The following OBSL1 variants were observed in gnomAD, a reference collection of about 807,000 sequenced individuals.
The protein encoded by OBSL1 is obscurin like cytoskeletal adaptor 1, also known as obscurin-like protein 1.
Under a neutral mutation model 172.0 loss-of-function variants are expected in OBSL1, and 160 were observed. That is an observed-to-expected ratio of 0.93 (90% CI 0.82 to 1.06). OBSL1 has a LOEUF of 1.06. Among genes scored for constraint, OBSL1 ranks in the 50% least tolerant of loss-of-function variants. The pLI is 0.00. For synonymous variants in OBSL1, 1,200 were observed against 1,196.3 expected, an observed-to-expected ratio of 1.00 and a Z score of -0.06; for missense variants, 2,681 against 2,715.4, an observed-to-expected ratio of 0.99 and a Z score of 0.28.
In OBSL1 at chr2:219,551,624, T is replaced by C. The variant is rs958148655; in HGVS notation, c.5588A>G (p.His1863Arg). The C allele has an allele frequency of 4.3e-6, 7 of 1,611,648 alleles. No individual in the cohort carries two copies. The highest frequency in any genetic ancestry group is 5.9e-6 in the Non-Finnish European group (7 of 1,179,086). The stretch of plus-strand genomic sequence containing the variant: ...TCGAACGTCATGGATGACCAGGCTG[T>C]GGGTGGGGCCGTGGCTGCGCATCTC... ...KYEMRSHGPT[H>R]SLVIHDVRPE... Residue 1863 changes from histidine (H) to arginine (R), a missense_variant, in exon 20 of 21, where the codon CAC (histidine) becomes CGC (arginine). His to Arg is a conservative substitution (Grantham distance 29). Around this residue, in one of 5 missense-constraint regions of OBSL1, gnomAD observed 1,765 missense variants for 1,748.3 expected, o/e 1.01. Coordinates refer to ENST00000404537, the MANE Select transcript of OBSL1 (RefSeq NM_015311.3).
At chr2:219,560,530 G>A (rs1696380438) in intron 8 of OBSL1, among the ~76,000 whole-genome samples, 1 of 152,144 alleles carries the variant, frequency 6.6e-6, no homozygotes, top group African/African-American at 2.4e-5. Context: ...CAAGTTTTGG[G>A]GCGACTACTG....
Position 219,570,550 on chromosome 2 carries a change from T to G in OBSL1, c.683A>C (p.Gln228Pro). ...GTCCGCGGGCGGGCTCTCGGGGGGCTGGTGCACCTGGAGCAGCGCCCCCGC... is the reference window on the plus strand; with the variant it reads ...GTCCGCGGGCGGGCTCTCGGGGGGCGGGTGCACCTGGAGCAGCGCCCCCGC... The part of the protein sequence containing the change: ...AQAGALLQVH[Q>P]PPESPPADPD... The change falls in exon 1 of 21, where the codon CAG becomes CCG. Residue 228 changes from glutamine (Q) to proline (P), a missense_variant. Around this residue, in one of 5 missense-constraint regions of OBSL1, gnomAD observed 706 missense variants for 695.8 expected, o/e 1.01. Coordinates refer to ENST00000404537, the MANE Select transcript of OBSL1 (RefSeq NM_015311.3). The G allele has an allele frequency of 6.3e-7, 1 of 1,593,702 alleles. No individual in the cohort carries two copies. Among genetic ancestry groups the G allele is most frequent in the Non-Finnish European group, 8.5e-7 (1 of 1,171,498 alleles).
At chr2:219,570,104 C>T in intron 1 of OBSL1, 117 bp downstream of exon 1, 1 of 926,404 alleles carries the variant, frequency 1.1e-6, no homozygotes, top group South Asian at 2.4e-5. Context: ...TTTAATATTC[C>T]CGCGGACCAC....
chr2:219,567,605 C>A (rs757170911), intron 3 of OBSL1, 30 bp from the exon 4 acceptor site: 1 of 1,598,068 alleles, frequency 6.3e-7, no homozygotes, highest in Non-Finnish European at 8.6e-7. Flanking sequence ...GTGTTCCGGC[C>A]TTGCTTGGGC....
chr2:219,555,931 C>A (rs1695962794), intron 14 of OBSL1, 89 bp downstream of exon 14: 2 of 1,532,488 alleles, frequency 1.3e-6, no homozygotes, highest in South Asian at 2.6e-5. Context: ...ATGAGGGGCA[C>A]TTTGGTGGGG....
chr2:219,552,824 C>T (rs373982957), intron 17 of OBSL1, 44 bp downstream of exon 17: 2 of 1,536,568 alleles, frequency 1.3e-6, no homozygotes, highest in East Asian at 2.5e-5. Flanking sequence ...CCGCAAGTCT[C>T]GCGCCCAAAG....
Position 219,553,010 on chromosome 2 carries a change from A to G in OBSL1, c.5004T>C (p.Leu1668=), listed in dbSNP as rs2106011243. Residue 1668 remains leucine, a synonymous_variant, in exon 17 of 21, where the codon CTT becomes CTC. Transcript: ENST00000404537. ...GGAGCCGGAGCCGCGGGCTAGGCGT[A>G]AGCGCGTTCCCGTCCTAGGGGCGGG... ...DVTWEKDGNA[L]TPSPRLRLQA... 1.3e-6 allele frequency: 2 copies of G among 1,517,100 alleles called. No homozygotes were observed. The highest frequency in any genetic ancestry group is 1.8e-6 in the Non-Finnish European group (2 of 1,138,426). 94.0% of individuals were successfully genotyped at this position (1,517,100 alleles called of 1,614,324 possible).
At position 219,565,393 on chromosome 2, in the gene OBSL1, A is replaced by G. The variant is rs778635089; in HGVS notation, c.2256T>C (p.Asp752=). The change falls in exon 6 of 21, where the codon GAT becomes GAC. Residue 752 remains aspartate, a synonymous_variant. Transcript: ENST00000404537. ...ACTCGCTCTCCTCCACCTTCTGCCC[A>G]TCCTTGTACCAGGTTGCCGGGAAGT... ...RVDFPATWYK[D]GQKVEESELL... 1.1e-5 allele frequency: 18 copies of G among 1,613,894 alleles called. No individual in the cohort carries two copies. The highest frequency in any genetic ancestry group is 8.0e-5 in the African/African-American group (6 of 74,938).
intron 12 of OBSL1, 41 bp from the exon 13 acceptor site, chr2:219,556,764 T>C: frequency 6.5e-7 from 1 of 1,532,826 alleles, no homozygotes; most frequent in Non-Finnish European, 8.8e-7. Context: ...CTGAGTCTTT[T>C]CTTCTCTCTC....
At chr2:219,555,727 A>AAT in intron 14 of OBSL1, 1 of 1,293,368 alleles carries the variant, frequency 7.7e-7, no homozygotes, top group Admixed American at 3.6e-5. Flanking sequence ...GTATCCCTAG[A>AAT]ATACATGCCT....
downstream of OBSL1, among the ~76,000 whole-genome samples, chr2:219,548,775 A>G (rs536046781): frequency 2.0e-5 from 3 of 152,284 alleles, no homozygotes; most frequent in East Asian, 5.8e-4. Flanking sequence ...AGCTTTTGGG[A>G]TGCTCATTCT....
Position 219,553,672 on chromosome 2 carries a change from T to C in OBSL1, c.4891A>G (p.Ile1631Val), listed in dbSNP as rs776475820. ...TCTAGGTCGTGTGGCCCCCGCACGA[T>C]GGTCACTGGGACCTCTGGGGGTGGG... ...RLIVREVPVT[I>V]VRGPHDLEVT... is the part of the protein sequence containing the mutation. Residue 1631 changes from isoleucine to valine, a missense_variant, in exon 16 of 21, where the codon ATC becomes GTC. This residue lies in a region of OBSL1 where 1,765 missense variants were observed against 1,748.3 expected (regional missense o/e 1.01). Transcript: ENST00000404537. 6.2e-7 allele frequency: 1 copy of C among 1,613,082 alleles called. No individual in the cohort carries two copies. Among genetic ancestry groups the C allele is most frequent in the Non-Finnish European group, 8.5e-7 (1 of 1,179,358 alleles).
At chr2:219,555,669 G>T in intron 14 of OBSL1, 1 of 1,095,914 alleles carries the variant, frequency 9.1e-7, no homozygotes, top group Non-Finnish European at 1.1e-6. Context: ...TGGGTGGGAG[G>T]TGTGGGGTGC....
chr2:219,549,371 C>T, downstream of OBSL1: 1 of 1,601,788 alleles, frequency 6.2e-7, no homozygotes, highest in Non-Finnish European at 8.5e-7. Context: ...TCCCTGAGCC[C>T]ATCCAGCCAG....
At chr2:219,564,000 G>A (rs1312914476) in intron 6 of OBSL1, among the ~76,000 whole-genome samples, 3 of 152,218 alleles carry the variant, frequency 2.0e-5, no homozygotes, top group Admixed American at 2.0e-4. Flanking sequence ...AAAGACCCCA[G>A]GGTGGGCAGG....
chr2:219,552,933 T>A lies in OBSL1; in HGVS notation c.5081A>T (p.Asp1694Val). The change falls in exon 17 of 21, where the codon GAC (aspartate) becomes GTC (valine). Residue 1694 changes from aspartate to valine, a missense_variant. This residue lies in a region of OBSL1 where 1,765 missense variants were observed against 1,748.3 expected (regional missense o/e 1.01). Transcript: ENST00000404537. ...CACCGCGCAGCTGTAGGTCCCGGCG[T>A]CCGAGGGGCCGCAGCGTCGCAGCTG... is the stretch of plus-strand genomic sequence containing the variant. ...LLQLRRCGPS[D>V]AGTYSCAVGT... 2.6e-6 allele frequency: 4 copies of A among 1,536,662 alleles called. No homozygotes were observed. The highest frequency in any genetic ancestry group is 3.5e-6 in the Non-Finnish European group (4 of 1,144,392).
At chr2:219,553,100 C>T in intron 16 of OBSL1, 76 bp from the exon 17 acceptor site, 3 of 1,403,584 alleles carry the variant, frequency 2.1e-6, no homozygotes, top group East Asian at 2.8e-5. Context: ...AGGCGGCGCA[C>T]CCTTTGTTGA....
At chr2:219,556,934 C>A (rs1292673704) in intron 12 of OBSL1, 7 of 558,318 alleles carry the variant, frequency 1.3e-5, no homozygotes, top group African/African-American at 1.9e-5. Context: ...TAGCCTAGCA[C>A]CCCACCTTGG....
rs765932230 is a variant in OBSL1 at position 219,567,479 on chromosome 2, G to A, written c.1631C>T (p.Ala544Val). 1 of 1,613,604 alleles carries A rather than the reference G, an allele frequency of 6.2e-7. No homozygotes were observed. Among genetic ancestry groups the A allele is most frequent in the South Asian group, 1.1e-5 (1 of 90,962 alleles). ...VLLTWKPPEPAPETPFIYRLE... is the reference protein window; with the variant it reads ...VLLTWKPPEPVPETPFIYRLE... The stretch of plus-strand genomic sequence containing the variant: ...CCGGTAGATGAATGGGGTCTCGGGA[G>A]CTGGCTCGGGAGGCTTCCAGGTCAA... Residue 544 changes from alanine to valine, a missense_variant, in exon 4 of 21, where the codon GCT (alanine) becomes GTT (valine). Coordinates refer to ENST00000404537, the MANE Select transcript of OBSL1 (RefSeq NM_015311.3).
Sources: gnomAD v4.1 joint callset for allele counts (sites outside exome capture counted in the v4.1 genomes callset) on GRCh38, gnomAD v4.1.1 for gene constraint, gnomAD v4.1.1 regional missense constraint, MANE v1.5 for transcripts, NCBI Gene and HGNC (gene_info 2026-07-23, HGNC 2026-07-21) for gene names.